USP22: variants seen among roughly 807,000 people sequenced by gnomAD.
USP22 encodes the protein ubiquitin carboxyl-terminal hydrolase 22.
In USP22, 22 loss-of-function variants were observed where a neutral mutation model predicts 68.1. The ratio of observed to expected loss-of-function variants is 0.32; its 90% CI spans 0.23 to 0.46. The LOEUF is 0.46. Ranked by LOEUF, USP22 falls within the 20% of genes least tolerant of loss-of-function variation. The pLI, the probability that USP22 is intolerant of heterozygous loss-of-function variation, is 1.00. For synonymous variants in USP22, 279 were observed against 274.2 expected, an observed-to-expected ratio of 1.02 and a Z score of -0.17; for missense variants, 433 against 695.8, an observed-to-expected ratio of 0.62 and a Z score of 4.25.
chr17:21,027,448 T>C (rs1479545872), intron 2 of USP22, among the ~76,000 whole-genome samples: 1 of 152,140 alleles, frequency 6.6e-6, no homozygotes, highest in African/African-American at 2.4e-5. Context: ...CAATAGGTCT[T>C]TCTAGGCTAA....
In USP22 at chr17:21,013,862, T is replaced by C. The variant is rs9913493; in HGVS notation, c.839-927A>G. 3.9e-3 allele frequency among the ~76,000 whole-genome samples: 593 copies of C among 152,232 alleles called. 4 individuals carry two copies. Among genetic ancestry groups the C allele is most frequent in the African/African-American group, 7.7e-3 (320 of 41,540 alleles). On this transcript the variant is annotated intron_variant, in intron 6 of 12. Coordinates refer to ENST00000261497, the MANE Select transcript of USP22 (RefSeq NM_015276.2). ...GGCCAAGGCGGGCGGATCACGAGGTTAGGAGACCGAGACCATCCTGGCTAA... is the reference window on the plus strand; with the variant it reads ...GGCCAAGGCGGGCGGATCACGAGGTCAGGAGACCGAGACCATCCTGGCTAA...
chr17:21,012,445 AAACT>A (rs1913998771), intron 7 of USP22, among the ~76,000 whole-genome samples: 1 of 152,074 alleles, frequency 6.6e-6, no homozygotes, highest in African/African-American at 2.4e-5. Flanking sequence ...AAAATAATGA[AAACT>A]AACACACTTC....
chr17:21,002,993 T>A lies in USP22; in HGVS notation c.*38A>T. The A allele has an allele frequency of 6.2e-7, 1 of 1,611,624 alleles. No individual in the cohort carries two copies. Among genetic ancestry groups the A allele is most frequent in the Non-Finnish European group, 8.5e-7 (1 of 1,178,824 alleles). On this transcript the variant is annotated 3_prime_UTR_variant, in exon 13 of 13. Transcript: ENST00000261497. ...AGGATCACTTTGTGAGGCTTGCCAA[T>A]GCATTGCCTTTGTTTTTCTGACCAG...
At chr17:21,005,166 G>A (rs1458740582) in intron 10 of USP22, 176 bp from the exon 11 acceptor site, 2 of 744,206 alleles carry the variant, frequency 2.7e-6, no homozygotes, top group East Asian at 2.8e-5. Flanking sequence ...CGCTCAAGCT[G>A]TGGAGGCCCC....
In USP22 at chr17:21,021,164, CT is replaced by C; in HGVS notation, c.366del (p.Asp123ThrfsTer4). 1 of 1,614,160 alleles carries C rather than the reference CT, an allele frequency of 6.2e-7. No individual in the cohort carries two copies. Among genetic ancestry groups the C allele is most frequent in the Non-Finnish European group, 8.5e-7 (1 of 1,180,018 alleles). ...CFLCQDYIYD[K>X]DMEIIAKEEQ... is the part of the protein sequence containing the mutation. ...TCCTCCTTGGCGATTATTTCCATGT[CT>C]TTGTCATAGATGTAGTCCTGGCACA... On this transcript the variant is annotated frameshift_variant, in exon 3 of 13. Transcript: ENST00000261497. LOFTEE classifies it high-confidence loss of function.
intron 1 of USP22, among the ~76,000 whole-genome samples, chr17:21,041,584 C>A (rs1270914283): frequency 6.6e-6 from 1 of 152,080 alleles, no homozygotes; most frequent in Non-Finnish European, 1.5e-5. Flanking sequence ...GGGTACAAAG[C>A]GAGACTTCGT....
intron 1 of USP22, 100 bp downstream of exon 1, chr17:21,042,560 GGCAAC>G (rs2143677423): frequency 8.8e-7 from 1 of 1,137,018 alleles, no homozygotes; most frequent in South Asian, 3.2e-5. Context: ...GACAGGGAAA[GGCAAC>G]GGGGGAAGGG....
At chr17:21,010,806 G>A (rs1033881451) in intron 8 of USP22, among the ~76,000 whole-genome samples, 1 of 152,158 alleles carries the variant, frequency 6.6e-6, no homozygotes, top group Non-Finnish European at 1.5e-5. Flanking sequence ...GTGGACCATG[G>A]GGAGAGGCCC....
intron 5 of USP22, among the ~76,000 whole-genome samples, chr17:21,016,135 C>A (rs1309588430): frequency 6.6e-6 from 1 of 152,056 alleles, no homozygotes; most frequent in Non-Finnish European, 1.5e-5. Flanking sequence ...CACATATAAG[C>A]CTAAAAAATG....
chr17:21,034,727 G>C lies in USP22; in HGVS notation c.172-6053C>G, dbSNP rs577661736. On this transcript the variant is annotated intron_variant, in intron 1 of 12. Coordinates refer to ENST00000261497, the MANE Select transcript of USP22 (RefSeq NM_015276.2). ...AGTGAACACAAGCCACTTTTATTTG[G>C]CTTAATATGGCCCCAAAGCTCAAGA... Among the ~76,000 whole-genome samples, 159 of 152,172 alleles carry C rather than the reference G, an allele frequency of 1.0e-3. 1 individual carries two copies. Among genetic ancestry groups the C allele is most frequent in the Non-Finnish European group, 1.9e-3 (130 of 68,010 alleles).
Position 21,012,750 on chromosome 17 carries a change from C to G in USP22, c.944+80G>C, listed in dbSNP as rs540793710. 9 of 1,295,680 alleles carry G rather than the reference C, an allele frequency of 6.9e-6. No individual in the cohort carries two copies. The South Asian group carries it at 1.1e-4, about 16-fold the overall frequency. 80.3% of individuals were successfully genotyped at this position (1,295,680 alleles called of 1,614,324 possible). On this transcript the variant is annotated intron_variant, in intron 7 of 12. Transcript: ENST00000261497. ...GCCTCCTTAAAGACCTCTCAGAGCACACACAGCTCTGGAGACTGGGAGGAT... is the reference window on the plus strand; with the variant it reads ...GCCTCCTTAAAGACCTCTCAGAGCAGACACAGCTCTGGAGACTGGGAGGAT...
rs71357459 is a variant in USP22 at position 21,027,292 on chromosome 17, CAA to C, written c.304+1248_304+1249del. Among the ~76,000 whole-genome samples the C allele has an allele frequency of 6.9e-3, 496 of 72,254 alleles. 17 individuals carry two copies. Among genetic ancestry groups the C allele is most frequent in the Non-Finnish European group, 0.011 (401 of 37,206 alleles). 47.4% of individuals were successfully genotyped at this position (72,254 alleles called of 152,430 possible). A position where few individuals can be genotyped will look rare whatever the true frequency, so the allele number is the denominator to read the frequency against. ...TCCAGACAAAGCGAGACCCTGTCTC[CAA>C]AAAAAAAAAAAAAAAATCAGACACA... On this transcript the variant is annotated intron_variant, in intron 2 of 12. Coordinates refer to ENST00000261497, the MANE Select transcript of USP22 (RefSeq NM_015276.2).
rs577310150 is a variant in USP22 at position 21,004,022 on chromosome 17, T to C, written c.1535+180A>G. ...GAGAGGGCCTTTGCTCAGGCACCTCTTCTCCCACCTGAGCACCCATCGAGG... is the reference window on the plus strand; with the variant it reads ...GAGAGGGCCTTTGCTCAGGCACCTCCTCTCCCACCTGAGCACCCATCGAGG... On this transcript the variant is annotated intron_variant, in intron 12 of 12. Transcript: ENST00000261497. Among the ~76,000 whole-genome samples the C allele has an allele frequency of 5.9e-5, 9 of 152,292 alleles. No homozygotes were observed. The South Asian group carries it at 1.9e-3, about 32-fold the overall frequency.
chr17:21,022,346 T>G (rs1165783532), intron 2 of USP22, among the ~76,000 whole-genome samples: 1 of 152,106 alleles, frequency 6.6e-6, no homozygotes, highest in East Asian at 1.9e-4. Context: ...CACTTTTGCT[T>G]TCTTTGTTAA....
rs1307229350 is a variant in USP22 at position 21,028,418 on chromosome 17, G to A, written c.304+124C>T. 21 of 1,428,422 alleles carry A rather than the reference G, an allele frequency of 1.5e-5. No homozygotes were observed. In the South Asian group the frequency reaches 2.3e-4, roughly 16 times the overall value. 88.5% of individuals were successfully genotyped at this position (1,428,422 alleles called of 1,614,324 possible). A position where few individuals can be genotyped will look rare whatever the true frequency, so the allele number is the denominator to read the frequency against. Reference sequence around the variant, plus strand: ...TCACTTCCAAGTGTCACCAGTGAGGGGCACGCATTACTTGAGACAAACGAC... The same window carrying A: ...TCACTTCCAAGTGTCACCAGTGAGGAGCACGCATTACTTGAGACAAACGAC... On this transcript the variant is annotated intron_variant, in intron 2 of 12. Coordinates refer to ENST00000261497, the MANE Select transcript of USP22 (RefSeq NM_015276.2).
Position 21,017,593 on chromosome 17 carries a change from G to A in USP22, c.690+349C>T, listed in dbSNP as rs1473153463. 1.4e-4 allele frequency among the ~76,000 whole-genome samples: 21 copies of A among 152,166 alleles called. 1 individual carries two copies. The highest frequency in any genetic ancestry group is 1.4e-3 in the Admixed American group (21 of 15,278). On this transcript the variant is annotated intron_variant, in intron 5 of 12. Transcript: ENST00000261497. ...CTCGCATACCAGGAGGACACAGGAG[G>A]GTGACACATGCGTGCCTTTCTGAGC...
chr17:21,028,005 T>G (rs557585135), intron 2 of USP22, among the ~76,000 whole-genome samples: 5 of 152,162 alleles, frequency 3.3e-5, no homozygotes, highest in Admixed American at 1.3e-4. Flanking sequence ...CTGAGTTTTA[T>G]GTAACTTCTA....
chr17:21,013,931 G>A (rs186247866), intron 6 of USP22, among the ~76,000 whole-genome samples: 43 of 152,302 alleles, frequency 2.8e-4, no homozygotes, highest in African/African-American at 8.7e-4. Flanking sequence ...AAAATTAGCT[G>A]GGCATGGTGG....
At chr17:21,018,990 C>A in intron 4 of USP22, 94 bp downstream of exon 4, 1 of 1,318,762 alleles carries the variant, frequency 7.6e-7, no homozygotes, top group Non-Finnish European at 1.1e-6. Flanking sequence ...AGGGCTTCAA[C>A]AGAATCATGT....
Sources: gnomAD v4.1 joint callset for allele counts (sites outside exome capture counted in the v4.1 genomes callset) on GRCh38, gnomAD v4.1.1 for gene constraint, MANE v1.5 for transcripts, NCBI Gene and HGNC (gene_info 2026-07-23, HGNC 2026-07-21) for gene names.